The following TRIOBP variants were observed in gnomAD, a reference collection of about 807,000 sequenced individuals.
TRIOBP encodes TRIO and F-actin binding protein.
In TRIOBP, 169 loss-of-function variants were observed where a neutral mutation model predicts 238.8. The ratio of observed to expected loss-of-function variants is 0.71; its 90% CI spans 0.62 to 0.80. The LOEUF (loss-of-function observed/expected upper bound fraction) is 0.80, where lower values mean the gene tolerates loss of function less well. Among genes scored for constraint, TRIOBP ranks in the 30% least tolerant of loss-of-function variants. The pLI, the probability that TRIOBP is intolerant of heterozygous loss-of-function variation, is 0.00. For missense variants in TRIOBP, 2,838 were observed against 3,122.6 expected (o/e 0.91, Z 2.17); for synonymous variants, 1,150 against 1,274.4 (o/e 0.90, Z 2.08).
chr22:37,764,424 A>G (rs890236669), intron 17 of TRIOBP, among the ~76,000 whole-genome samples: 1 of 152,222 alleles, frequency 6.6e-6, no homozygotes, highest in Non-Finnish European at 1.5e-5. Context: ...CAGCATCCAC[A>G]CAAAAACTCT....
rs950681025 is a variant in TRIOBP, at chr22:37,758,545, G to A, written c.6213+407G>A. On this transcript the variant is annotated intron_variant, in intron 16 of 23. Transcript: ENST00000644935. ...ACAAAATTTAGCTGGGCGTGCTGGT[G>A]CATACCTGGAGCCCCAGCTACTTGA... Among the ~76,000 whole-genome samples the A allele has an allele frequency of 2.0e-5, 3 of 152,142 alleles. 1 individual carries two copies. Among genetic ancestry groups the A allele is most frequent in the South Asian group, 4.1e-4 (2 of 4,826 alleles).
Position 37,726,475 on chromosome 22 carries a change from G to A in TRIOBP, c.3919G>A (p.Val1307Met), listed in dbSNP as rs750614465. The change falls in exon 7 of 24, where the codon GTG becomes ATG. Residue 1307 changes from valine to methionine, a missense_variant. Physicochemically the swap from Val to Met is conservative, Grantham distance 21 (BLOSUM62 1). Coordinates refer to ENST00000644935, the MANE Select transcript of TRIOBP (RefSeq NM_001039141.3). ...GRTHSPGRAEVERLFGQERRK... is the reference protein window; with the variant it reads ...GRTHSPGRAEMERLFGQERRK... ...CACCCACAGCCCTGGCCGTGCAGAG[G>A]TGGAGCGCCTCTTCGGGCAAGAGCG... 3 of 1,543,312 alleles carry A rather than the reference G, an allele frequency of 1.9e-6. No homozygotes were observed. The highest frequency in any genetic ancestry group is 2.7e-5 in the African/African-American group (2 of 73,674).
intron 17 of TRIOBP, among the ~76,000 whole-genome samples, chr22:37,762,239 A>T (rs12169574): frequency 3.0e-4 from 45 of 152,066 alleles, no homozygotes; most frequent in Middle Eastern, 3.4e-3. Context: ...AATTAAAAAA[A>T]TTTTTTTGTA....
In TRIOBP at chr22:37,709,129, TC is replaced by T. The variant is rs546175068; in HGVS notation, c.115-1294del. ...GGGTGAAACTGAATCCCACCAGGCCTCCCCTGGCCTGGATGTCACGGCAGAC... is the reference window on the plus strand; with the variant it reads ...GGGTGAAACTGAATCCCACCAGGCCTCCCTGGCCTGGATGTCACGGCAGAC... On this transcript the variant is annotated intron_variant, in intron 3 of 23. Coordinates refer to ENST00000644935, the MANE Select transcript of TRIOBP (RefSeq NM_001039141.3). Among the ~76,000 whole-genome samples, 34 of 152,292 alleles carry T rather than the reference TC, an allele frequency of 2.2e-4. No homozygotes were observed. The East Asian group carries it at 5.8e-3, about 26-fold the overall frequency.
intron 14 of TRIOBP, 135 bp from the exon 15 acceptor site, chr22:37,755,415 G>T: frequency 1.0e-6 from 1 of 953,962 alleles, no homozygotes. Context: ...GGGAGGTTTT[G>T]TACCCCCTGC....
intron 5 of TRIOBP, among the ~76,000 whole-genome samples, chr22:37,714,034 T>C (rs930869178): frequency 6.6e-6 from 1 of 152,176 alleles, no homozygotes; most frequent in African/African-American, 2.4e-5. Context: ...GCCAGCTCCA[T>C]GCTAAGGGCT....
intron 3 of TRIOBP, among the ~76,000 whole-genome samples, chr22:37,702,815 A>G (rs1380825521): frequency 6.6e-6 from 1 of 150,698 alleles, no homozygotes. Context: ...ATGGCCAGCT[A>G]ATTTTCTTGT....
intron 11 of TRIOBP, among the ~76,000 whole-genome samples, chr22:37,747,190 A>T (rs558119972): frequency 4.0e-5 from 6 of 149,472 alleles, no homozygotes; most frequent in Admixed American, 4.0e-4. Flanking sequence ...CAGCCAGATA[A>T]ACTGAGGCTT....
intron 4 of TRIOBP, among the ~76,000 whole-genome samples, chr22:37,712,001 A>C (rs1253193104): frequency 6.6e-6 from 1 of 152,088 alleles, no homozygotes; most frequent in Non-Finnish European, 1.5e-5. Flanking sequence ...CTCGTTAGCC[A>C]AGCATGAGTC....
chr22:37,751,743 A>G (rs1203598551), intron 11 of TRIOBP, 29 bp from the exon 12 acceptor site: 3 of 1,613,806 alleles, frequency 1.9e-6, no homozygotes, highest in African/African-American at 1.3e-5. Flanking sequence ...TGCTGGACCC[A>G]ACTCACCTCC....
At chr22:37,757,382 A>AG (rs1925981156) in intron 15 of TRIOBP, among the ~76,000 whole-genome samples, 1 of 151,832 alleles carries the variant, frequency 6.6e-6, no homozygotes, top group African/African-American at 2.4e-5. Flanking sequence ...AAAAACAAGA[A>AG]CGGGGGCGAG....
At chr22:37,736,752 C>T (rs1274901012) in intron 9 of TRIOBP, among the ~76,000 whole-genome samples, 3 of 152,170 alleles carry the variant, frequency 2.0e-5, no homozygotes, top group South Asian at 2.1e-4. Flanking sequence ...CTCAGCCTCC[C>T]GAGTAGCTGG....
chr22:37,751,298 C>T, intron 11 of TRIOBP: 1 of 345,006 alleles, frequency 2.9e-6, no homozygotes, highest in Non-Finnish European at 5.9e-6. Context: ...CCCATAGTCT[C>T]CTGGAGCCGA....
rs528239372 is a variant in TRIOBP at position 37,772,738 on chromosome 22, G to A, written c.7074G>A (p.Ser2358=). The A allele has an allele frequency of 8.1e-6, 13 of 1,613,648 alleles. No individual in the cohort carries two copies. Among genetic ancestry groups the A allele is most frequent in the African/African-American group, 4.0e-5 (3 of 74,934 alleles). The change falls in exon 23 of 24, where the codon TCG becomes TCA. Residue 2358 remains serine (S), a synonymous_variant. Transcript: ENST00000644935. ...LAMAALQEKE[S]MRNSLAE ...TGGCCGCCCTCCAGGAGAAGGAGTC[G>A]ATGCGCAACAGCCTGGCTGAGTAGA...
intron 4 of TRIOBP, among the ~76,000 whole-genome samples, chr22:37,710,912 G>A (rs774729323): frequency 6.6e-5 from 10 of 152,192 alleles, no homozygotes; most frequent in Admixed American, 4.6e-4. Flanking sequence ...AGTGGGCATG[G>A]CCACAGCCTA....
In TRIOBP at chr22:37,723,481, A is replaced by G; in HGVS notation, c.925A>G (p.Thr309Ala). ...CAGGGCCTCATCCACCCAACAGGAAACCTCCAGGGCCTCATCCACCCAAGA... is the reference window on the plus strand; with the variant it reads ...CAGGGCCTCATCCACCCAACAGGAAGCCTCCAGGGCCTCATCCACCCAAGA... ...ISRASSTQQE[T>A]SRASSTQEDT... The change falls in exon 7 of 24, where the codon ACC (threonine) becomes GCC (alanine). Residue 309 changes from threonine (T) to alanine (A), a missense_variant. By Grantham distance (58) the Thr-to-Ala change is moderately conservative (BLOSUM62 0). Around this residue, in one of 5 missense-constraint regions of TRIOBP, gnomAD observed 535 missense variants for 537.3 expected, o/e 1.00. Transcript: ENST00000644935. The G allele has an allele frequency of 6.2e-7, 1 of 1,612,754 alleles. No homozygotes were observed. The highest frequency in any genetic ancestry group is 8.5e-7 in the Non-Finnish European group (1 of 1,179,644).
At chr22:37,739,317 G>A (rs1413106354) in intron 10 of TRIOBP, among the ~76,000 whole-genome samples, 1 of 152,194 alleles carries the variant, frequency 6.6e-6, no homozygotes, top group Non-Finnish European at 1.5e-5. Flanking sequence ...GGGCCGTGGG[G>A]CAGTGGGAGG....
intron 3 of TRIOBP, among the ~76,000 whole-genome samples, chr22:37,703,536 G>A (rs557194334): frequency 1.1e-3 from 146 of 134,992 alleles, no homozygotes; most frequent in Non-Finnish European, 2.0e-3. Context: ...ACAGAGTCTC[G>A]TTCTGTTGCC....
In TRIOBP at chr22:37,765,831, G is replaced by A. The variant is rs45503898; in HGVS notation, c.6472+14G>A. 72 of 1,586,044 alleles carry A rather than the reference G, an allele frequency of 4.5e-5. 1 individual carries two copies. Among genetic ancestry groups the A allele is most frequent in the East Asian group, 3.4e-4 (15 of 44,002 alleles). ...CCACGGCCTCAGGTATGGACCCTGG[G>A]GGGGGCACAGTGGGCTGGGCTCTGA... On this transcript the variant is annotated intron_variant, in intron 18 of 23. Coordinates refer to ENST00000644935, the MANE Select transcript of TRIOBP (RefSeq NM_001039141.3).
Sources: gnomAD v4.1 joint callset for allele counts (sites outside exome capture counted in the v4.1 genomes callset) on GRCh38, gnomAD v4.1.1 for gene constraint, gnomAD v4.1.1 regional missense constraint, MANE v1.5 for transcripts, NCBI Gene and HGNC (gene_info 2026-07-23, HGNC 2026-07-21) for gene names.